CRB2: variants seen among roughly 807,000 people sequenced by gnomAD.
CRB2 encodes protein crumbs homolog 2.
A neutral mutation model predicts 110.9 loss-of-function variants in CRB2; 85 were observed. The observed-to-expected ratio is 0.77, with a 90% CI of 0.64 to 0.92. The LOEUF (loss-of-function observed/expected upper bound fraction) is 0.92. Ranked by LOEUF, CRB2 falls within the 40% of genes least tolerant of loss-of-function variation. The pLI is 0.00. For missense variants in CRB2, 1,843 were observed against 1,851.3 expected, an observed-to-expected ratio of 1.00 and a Z score of 0.08; for synonymous variants, 907 against 831.0, an observed-to-expected ratio of 1.09 and a Z score of -1.57.
rs774871506 is a variant in CRB2, at chr9:123,367,583, C to A, written c.951C>A (p.Cys317Ter). The A allele has an allele frequency of 1.9e-5, 29 of 1,557,382 alleles. No individual in the cohort carries two copies. Among genetic ancestry groups the A allele is most frequent in the Middle Eastern group, 1.9e-4 (1 of 5,382 alleles). ...CTGGGCCTCTTACAGGAGCCGACTG[C>A]GGTGTGGAGGTGGACGAGTGTGCCT... ...HCPPGFEGAD[C>*]GVEVDECASR... The change falls in exon 6 of 13, where the codon TGC becomes TGA. Residue 317 changes from cysteine (C) to a stop codon, truncating the protein, a stop_gained. Coordinates refer to ENST00000373631, the MANE Select transcript of CRB2 (RefSeq NM_173689.7). LOFTEE classifies it high-confidence loss of function.
Position 123,366,328 on chromosome 9 carries a change from T to G in CRB2, c.716T>G (p.Leu239Arg). Residue 239 changes from leucine (L) to arginine (R), a missense_variant, in exon 4 of 13, where the codon CTC (leucine) becomes CGC (arginine). Coordinates refer to ENST00000373631, the MANE Select transcript of CRB2 (RefSeq NM_173689.7). Reference protein sequence around the residue: ...SAPCEHNASCLEGLGSFRCLC... With the variant: ...SAPCEHNASCREGLGSFRCLC... ...CCCTGCGAGCACAACGCGTCCTGCC[T>G]CGAGGGCCTCGGGAGCTTCCGCTGC... The G allele has an allele frequency of 6.5e-7, 1 of 1,542,360 alleles. No individual in the cohort carries two copies. Among genetic ancestry groups the G allele is most frequent in the Admixed American group, 2.0e-5 (1 of 50,302 alleles).
rs927683195 is a variant in CRB2 at position 123,369,043 on chromosome 9, C to G, written c.1055-1065C>G. The G allele has an allele frequency of 1.3e-5, 12 of 942,950 alleles. No individual in the cohort carries two copies. The African/African-American group carries it at 2.2e-4, about 17-fold the overall frequency. The allele number at this position is 942,950 out of a possible 1,614,324, so 58.4% of individuals were successfully genotyped here. ...TTGTGAGCTGATCGAGGCTGGGCTT[C>G]AAACCCTGGTGACTTCTCTGGGCCT... On this transcript the variant is annotated intron_variant, in intron 6 of 12. Transcript: ENST00000373631.
At chr9:123,356,802 G>A (rs2041805797) in intron 1 of CRB2, among the ~76,000 whole-genome samples, 1 of 152,076 alleles carries the variant, frequency 6.6e-6, no homozygotes, top group African/African-American at 2.4e-5. Flanking sequence ...GGTTGTGGGT[G>A]TGTTAGAGTT....
chr9:123,367,444 C>CCACCCCCCCACCCCA, intron 5 of CRB2, 87 bp downstream of exon 5: 2 of 1,076,512 alleles, frequency 1.9e-6, no homozygotes, highest in East Asian at 3.1e-5. Context: ...CCCCACCCCC[C>CCACCCCCCCACCCCA]CACCCCACAC....
Position 123,376,848 on chromosome 9 carries a change from C to T in CRB2, c.3644C>T (p.Pro1215Leu), listed in dbSNP as rs758341965. The T allele has an allele frequency of 4.0e-5, 65 of 1,607,624 alleles. No homozygotes were observed. Among genetic ancestry groups the T allele is most frequent in the Middle Eastern group, 4.2e-4 (2 of 4,764 alleles). ...GQFCEVAKGL[P>L]LPLPFPLLEV... is the part of the protein sequence containing the mutation. ...TCGTGTCTCTTGCAGAAGGGCCTGCCCCTGCCGCTGCCATTCCCACTGCTG... is the reference window on the plus strand; with the variant it reads ...TCGTGTCTCTTGCAGAAGGGCCTGCTCCTGCCGCTGCCATTCCCACTGCTG... The change falls in exon 13 of 13, where the codon CCC becomes CTC. Residue 1215 changes from proline (P) to leucine (L), a missense_variant. Coordinates refer to ENST00000373631, the MANE Select transcript of CRB2 (RefSeq NM_173689.7).
At position 123,371,086 on chromosome 9, in the gene CRB2, C is replaced by A. The variant is rs748348203; in HGVS notation, c.1944C>A (p.Thr648=). The change falls in exon 8 of 13, where the codon ACC becomes ACA. Residue 648 remains threonine (T), a synonymous_variant. Transcript: ENST00000373631. ...PTCADEIPAA[T]FGLGGAPSSA... Reference sequence around the variant, plus strand: ...TCCCTGCAGAGATTCCTGCTGCCACCTTTGGCTTGGGAGGCGCCCCAAGCT... The same window carrying A: ...TCCCTGCAGAGATTCCTGCTGCCACATTTGGCTTGGGAGGCGCCCCAAGCT... 6.2e-7 allele frequency: 1 copy of A among 1,612,798 alleles called. No individual in the cohort carries two copies. Among genetic ancestry groups the A allele is most frequent in the Non-Finnish European group, 8.5e-7 (1 of 1,179,670 alleles).
chr9:123,376,372 G>A (rs1247686124), intron 12 of CRB2, among the ~76,000 whole-genome samples: 2 of 152,164 alleles, frequency 1.3e-5, no homozygotes, highest in African/African-American at 2.4e-5. Context: ...TGGGCTCCCC[G>A]AAGCCTGGGC....
rs1367327742 is a variant in CRB2 at position 123,371,398 on chromosome 9, T to G, written c.2256T>G (p.Leu752=). Residue 752 remains leucine, a synonymous_variant, in exon 8 of 13, where the codon CTT becomes CTG. Transcript: ENST00000373631. Reference sequence around the variant, plus strand: ...ACGTGCACGTGGGTGGGAGGCTCCTTGCTGCCGACAGCCAGCCCTGGGGTG... The same window carrying G: ...ACGTGCACGTGGGTGGGAGGCTCCTGGCTGCCGACAGCCAGCCCTGGGGTG... ...GQHVHVGGRL[L]AADSQPWGGP... 1 of 1,608,860 alleles carries G rather than the reference T, an allele frequency of 6.2e-7. No homozygotes were observed. Among genetic ancestry groups the G allele is most frequent in the Non-Finnish European group, 8.5e-7 (1 of 1,177,470 alleles).
rs189292572 is a variant in CRB2, at chr9:123,371,101, C to T, written c.1959C>T (p.Gly653=). The part of the protein sequence containing the change: ...EIPAATFGLG[G]APSSASFLLQ... ...CTGCTGCCACCTTTGGCTTGGGAGG[C>T]GCCCCAAGCTCTGCCTCCTTTCTGC... Residue 653 remains glycine (G), a synonymous_variant, in exon 8 of 13, where the codon GGC becomes GGT. Transcript: ENST00000373631. 50 of 1,612,988 alleles carry T rather than the reference C, an allele frequency of 3.1e-5. No homozygotes were observed. The East Asian group carries it at 5.6e-4, about 18-fold the overall frequency.
rs562737395 is a variant in CRB2, at chr9:123,356,214, G to A, written c.-47G>A. On this transcript the variant is annotated 5_prime_UTR_variant, in exon 1 of 13. Transcript: ENST00000373631. ...AGGGGGGTGCGGAGCCAGCCAGGCC[G>A]CCCTCCCGTTCTCACAGCAGCCGAG... 4.8e-5 allele frequency: 64 copies of A among 1,326,788 alleles called. No homozygotes were observed. In the Middle Eastern group the frequency reaches 7.6e-4, roughly 16 times the overall value. The allele number at this position is 1,326,788 out of a possible 1,614,324, so 82.2% of individuals were successfully genotyped here.
chr9:123,370,100 T>TC lies in CRB2; in HGVS notation c.1055-5dup. ...CATTACTGAACCTTGGCTTTGTCTCTCCCAAAGGGCCGACATGTGAGGAAG... is the reference window on the plus strand; with the variant it reads ...CATTACTGAACCTTGGCTTTGTCTCTCCCCAAAGGGCCGACATGTGAGGAAG... On this transcript the variant is annotated splice_polypyrimidine_tract_variant and splice_region_variant and intron_variant, in intron 6 of 12. Transcript: ENST00000373631. 1 of 1,572,296 alleles carries TC rather than the reference T, an allele frequency of 6.4e-7. No individual in the cohort carries two copies. The highest frequency in any genetic ancestry group is 2.2e-5 in the East Asian group (1 of 44,506).
chr9:123,372,069 GAT>G (rs2042024664), intron 8 of CRB2, 106 bp from the exon 9 acceptor site: 1 of 1,091,400 alleles, frequency 9.2e-7, no homozygotes, highest in African/African-American at 1.6e-5. Flanking sequence ...TTTGTGAGGA[GAT>G]ACTGTGTCTG....
At chr9:123,354,468 C>T (rs535410078), upstream of CRB2, among the ~76,000 whole-genome samples, 1 of 152,370 alleles carries the variant, frequency 6.6e-6, no homozygotes, top group South Asian at 2.1e-4. Context: ...GCACTGTCGC[C>T]TTGGCTCACT....
chr9:123,372,737 C>T (rs957614980), intron 9 of CRB2, among the ~76,000 whole-genome samples: 1 of 152,176 alleles, frequency 6.6e-6, no homozygotes, highest in African/African-American at 2.4e-5. Context: ...GGGTTTTAAA[C>T]AGGAGAGGGG....
rs148051468 is a variant in CRB2, at chr9:123,363,004, C to T, written c.234C>T (p.His78=). Residue 78 remains histidine (H), a synonymous_variant, in exon 2 of 13, where the codon CAC becomes CAT. Transcript: ENST00000373631. ...GCTGTGCCACCCAGCCATGCCACCA[C>T]GGCGCTCTGTGTGTGCCCCAGGGTC... is the stretch of plus-strand genomic sequence containing the variant. ...PRGCATQPCH[H]GALCVPQGPD... 2.4e-5 allele frequency: 38 copies of T among 1,612,456 alleles called. 1 individual carries two copies. Among genetic ancestry groups the T allele is most frequent in the African/African-American group, 8.0e-5 (6 of 74,934 alleles).
rs775440107 is a variant in CRB2, at chr9:123,367,154, G to A, written c.755-18G>A. 26 of 1,566,790 alleles carry A rather than the reference G, an allele frequency of 1.7e-5. No homozygotes were observed. Among genetic ancestry groups the A allele is most frequent in the Middle Eastern group, 1.7e-4 (1 of 5,930 alleles). ...GGCAACCCCGTGAGACCTGATGTCC[G>A]CGTGTGTGTGCCCCCAGGCTACAGC... On this transcript the variant is annotated intron_variant, in intron 4 of 12. Coordinates refer to ENST00000373631, the MANE Select transcript of CRB2 (RefSeq NM_173689.7).
rs753471114 is a variant in CRB2, at chr9:123,375,204, C to A, written c.3507-13C>A. ...TGGGGGAAGCCGCTTTCTCAGCCCC[C>A]CTCCCTCTCCAGGTGTCAGGTCCCC... On this transcript the variant is annotated splice_polypyrimidine_tract_variant and intron_variant, in intron 11 of 12. Coordinates refer to ENST00000373631, the MANE Select transcript of CRB2 (RefSeq NM_173689.7). The A allele has an allele frequency of 1.2e-6, 2 of 1,612,012 alleles. No individual in the cohort carries two copies. Among genetic ancestry groups the A allele is most frequent in the South Asian group, 1.1e-5 (1 of 90,840 alleles).
At position 123,375,208 on chromosome 9, in the gene CRB2, C is replaced by T. The variant is rs778842167; in HGVS notation, c.3507-9C>T. The T allele has an allele frequency of 2.5e-6, 4 of 1,612,450 alleles. No homozygotes were observed. In the South Asian group the frequency reaches 4.4e-5, roughly 18 times the overall value. On this transcript the variant is annotated splice_polypyrimidine_tract_variant and intron_variant, in intron 11 of 12. Coordinates refer to ENST00000373631, the MANE Select transcript of CRB2 (RefSeq NM_173689.7). ...GGAAGCCGCTTTCTCAGCCCCCCTC[C>T]CTCTCCAGGTGTCAGGTCCCCACTC...
rs1348898997 is a variant in CRB2, at chr9:123,373,736, G to A, written c.3205G>A (p.Gly1069Ser). 1 of 1,577,630 alleles carries A rather than the reference G, an allele frequency of 6.3e-7. No homozygotes were observed. Residue 1069 changes from glycine to serine, a missense_variant, in exon 10 of 13, where the codon GGT becomes AGT. Physicochemically the swap from Gly to Ser is moderately conservative, Grantham distance 56 (BLOSUM62 0). Transcript: ENST00000373631. ...VCAPSPCLHDGACRDLFDAFA... is the reference protein window; with the variant it reads ...VCAPSPCLHDSACRDLFDAFA... The stretch of plus-strand genomic sequence containing the variant: ...TGCGCCCTCGCCCTGTCTGCACGAC[G>A]GTGCCTGCCGTGACCTCTTCGACGC...
Sources: gnomAD v4.1 joint callset for allele counts (sites outside exome capture counted in the v4.1 genomes callset) on GRCh38, gnomAD v4.1.1 for gene constraint, MANE v1.5 for transcripts, NCBI Gene and HGNC (gene_info 2026-07-23, HGNC 2026-07-21) for gene names.